The following ZNF362 variants were observed in gnomAD, a reference collection of about 807,000 sequenced individuals.
ZNF362 encodes zinc finger protein 362.
In ZNF362, 11 loss-of-function variants were observed where a neutral mutation model predicts 42.9. That is an observed-to-expected ratio of 0.26 (90% CI 0.16 to 0.42). The LOEUF (loss-of-function observed/expected upper bound fraction) is 0.42, where lower values mean the gene tolerates loss of function less well. ZNF362 is among the 20% of genes least tolerant of loss of function. ZNF362 has a pLI of 1.00. For missense variants in ZNF362, 362 were observed against 576.2 expected (o/e 0.63, Z 3.81); for synonymous variants, 255 against 257.3 (o/e 0.99, Z 0.09).
At chr1:33,202,208 T>G in the ZNF362 span, among the ~76,000 whole-genome samples, 1 of 152,316 alleles carries the variant, frequency 6.6e-6, no homozygotes, top group East Asian at 1.9e-4. Flanking sequence ...ATAATACAAA[T>G]TCTAAATAAA....
chr1:33,156,002 C>G, the ZNF362 span, among the ~76,000 whole-genome samples: 1 of 152,330 alleles, frequency 6.6e-6, no homozygotes, highest in Non-Finnish European at 1.5e-5. Context: ...ATCCCCCAAG[C>G]GCCCACCACT....
At chr1:33,193,671 G>T in the ZNF362 span, among the ~76,000 whole-genome samples, 3 of 152,182 alleles carry the variant, frequency 2.0e-5, no homozygotes, top group East Asian at 5.8e-4. Context: ...CCTTAGATGG[G>T]ACGCAAATGT....
the ZNF362 span, among the ~76,000 whole-genome samples, chr1:33,241,636 G>A: frequency 5.9e-5 from 9 of 152,076 alleles, no homozygotes; most frequent in African/African-American, 1.9e-4. Context: ...CACTAACTAT[G>A]CAATAACAAA....
chr1:33,297,363 C>T (rs947028475), intron 8 of ZNF362, among the ~76,000 whole-genome samples: 5 of 152,066 alleles, frequency 3.3e-5, no homozygotes, highest in African/African-American at 1.2e-4. Context: ...GATAAAGACT[C>T]CTTTTTTGAG....
chr1:33,242,309 G>C, the ZNF362 span, among the ~76,000 whole-genome samples: 147 of 152,198 alleles, frequency 9.7e-4, no homozygotes, highest in Non-Finnish European at 1.9e-3. Context: ...GAAGGTAAAG[G>C]GACAGTACAG....
At chr1:33,270,823 C>T (rs1016595081) in intron 2 of ZNF362, among the ~76,000 whole-genome samples, 1 of 152,178 alleles carries the variant, frequency 6.6e-6, no homozygotes. Flanking sequence ...GGGTCCCCAT[C>T]AGTCCACATT....
the ZNF362 span, among the ~76,000 whole-genome samples, chr1:33,189,651 A>ATATATATATATGTATATATATACG: frequency 2.4e-4 from 5 of 20,712 alleles, no homozygotes; most frequent in African/African-American, 4.7e-4. Context: ...ATATATATAT[A>ATATATATATATGTATATATATACG]TATATATATA....
At chr1:33,243,891 C>T in the ZNF362 span, among the ~76,000 whole-genome samples, 3 of 151,844 alleles carry the variant, frequency 2.0e-5, no homozygotes, top group African/African-American at 4.8e-5. Flanking sequence ...GGATTACAGG[C>T]GTGAGCTACT....
At chr1:33,187,971 C>T in the ZNF362 span, among the ~76,000 whole-genome samples, 1 of 152,296 alleles carries the variant, frequency 6.6e-6, no homozygotes, top group African/African-American at 2.4e-5. Context: ...TGTGATGGCT[C>T]ACGCCTGTAA....
the ZNF362 span, among the ~76,000 whole-genome samples, chr1:33,242,553 T>C: frequency 1.3e-5 from 2 of 152,230 alleles, no homozygotes; most frequent in Admixed American, 1.3e-4. Flanking sequence ...ATACACCCAC[T>C]AACATACCTG....
chr1:33,199,420 A>G, the ZNF362 span, among the ~76,000 whole-genome samples: 3 of 152,202 alleles, frequency 2.0e-5, no homozygotes, highest in African/African-American at 7.2e-5. Context: ...TTCTACACCC[A>G]TTGAAAATAT....
chr1:33,140,775 C>T, the ZNF362 span, among the ~76,000 whole-genome samples: 2 of 152,142 alleles, frequency 1.3e-5, no homozygotes, highest in African/African-American at 2.4e-5. This position sits in a 1 kb window ranked among gnomAD's most constrained non-coding sequence, Gnocchi z 4.0. Context: ...GTGGCTCTGC[C>T]CTGGAGGTCC....
intron 1 of ZNF362, among the ~76,000 whole-genome samples, chr1:33,259,532 T>A (rs1291535843): frequency 6.6e-6 from 1 of 152,224 alleles, no homozygotes; most frequent in African/African-American, 2.4e-5. Flanking sequence ...ACGGGCTATT[T>A]TATTCATTCA....
chr1:33,153,625 C>G, the ZNF362 span, among the ~76,000 whole-genome samples: 6 of 152,278 alleles, frequency 3.9e-5, 1 homozygote, highest in Middle Eastern at 6.8e-3. Flanking sequence ...GGGGTGATGG[C>G]AAGTTCCACA....
the ZNF362 span, among the ~76,000 whole-genome samples, chr1:33,154,831 C>T: frequency 1.0e-4 from 15 of 149,362 alleles, no homozygotes; most frequent in Admixed American, 3.3e-4. Context: ...CGGTGATTCA[C>T]GCCTGTAATC....
chr1:33,268,933 G>C (rs1215152956), intron 1 of ZNF362, among the ~76,000 whole-genome samples: 1 of 152,150 alleles, frequency 6.6e-6, no homozygotes, highest in Non-Finnish European at 1.5e-5. Flanking sequence ...GGGTGGAGTG[G>C]GGGAACCTGT....
upstream of ZNF362, among the ~76,000 whole-genome samples, chr1:33,252,526 T>C (rs540136150): frequency 6.6e-6 from 1 of 152,220 alleles, no homozygotes; most frequent in Non-Finnish European, 1.5e-5. Context: ...ATGATGGGCA[T>C]GTGGCACAAG....
the ZNF362 span, among the ~76,000 whole-genome samples, chr1:33,161,212 G>A: frequency 9.4e-3 from 1,437 of 152,336 alleles, 15 homozygotes; most frequent in South Asian, 0.032. This position sits in a 1 kb window ranked among gnomAD's most constrained non-coding sequence, Gnocchi z 4.3. Flanking sequence ...AGCGTTTCCC[G>A]GAAGTCTTCA....
At chr1:33,184,135 G>A in the ZNF362 span, among the ~76,000 whole-genome samples, 2 of 152,108 alleles carry the variant, frequency 1.3e-5, no homozygotes, top group Non-Finnish European at 2.9e-5. Context: ...TTGTGAGGAG[G>A]TGGAATAAAC....
Sources: allele counts gnomAD v4.1 joint callset (sites outside exome capture counted in the v4.1 genomes callset), GRCh38; gene constraint gnomAD v4.1.1; non-coding constraint Gnocchi (gnomAD v3.1); transcripts MANE v1.5; gene names NCBI Gene and HGNC (gene_info 2026-07-23, HGNC 2026-07-21).